ADGRV1: variants seen among roughly 807,000 people sequenced by gnomAD.
The protein encoded by ADGRV1 is adhesion G protein-coupled receptor V1.
Under a neutral mutation model 596.2 loss-of-function variants are expected in ADGRV1, and 359 were observed. The observed-to-expected ratio is 0.60, with a 90% CI of 0.55 to 0.66. The LOEUF is 0.66. ADGRV1 is among the 30% of genes least tolerant of loss of function. The probability of loss-of-function intolerance (pLI) is 0.00; values close to 1 mark genes in which losing one functional copy is unlikely to be tolerated. For missense variants in ADGRV1, 7,274 were observed against 7,575.6 expected (o/e 0.96, Z 1.48); for synonymous variants, 2,681 against 2,679.2 (o/e 1.00, Z -0.02).
At chr5:90,886,820 G>A (rs1307974449) in intron 83 of ADGRV1, among the ~76,000 whole-genome samples, 1 of 152,128 alleles carries the variant, frequency 6.6e-6, no homozygotes, top group Admixed American at 6.6e-5. Flanking sequence ...TGCTATAAGT[G>A]TATTCAGCTT....
At chr5:90,941,808 T>C (rs774483532) in intron 83 of ADGRV1, among the ~76,000 whole-genome samples, 6 of 152,222 alleles carry the variant, frequency 3.9e-5, no homozygotes, top group Non-Finnish European at 7.3e-5. Flanking sequence ...TAACTCATAA[T>C]ATTGTAATGA....
intron 1 of ADGRV1, among the ~76,000 whole-genome samples, chr5:90,590,366 T>C (rs909496502): frequency 3.3e-5 from 5 of 152,130 alleles, no homozygotes; most frequent in Non-Finnish European, 7.4e-5. Flanking sequence ...ATGTATCTGA[T>C]GTCTGAGTTG....
At position 90,848,691 on chromosome 5, in the gene ADGRV1, T is replaced by A; in HGVS notation, c.17074T>A (p.Tyr5692Asn). Reference protein sequence around the residue: ...AFSVASRTLFYEILCSLINPK... With the variant: ...AFSVASRTLFNEILCSLINPK... ...CAGTGTTGCCAGCCGAACTCTTTTC[T>A]ATGAGATTCTTTGTTCTCTTATTAA... is the stretch of plus-strand genomic sequence containing the variant. Residue 5692 changes from tyrosine to asparagine, a missense_variant, in exon 79 of 90, where the codon TAT becomes AAT. Tyr to Asn is a moderately radical substitution (Grantham distance 143). This residue lies in a region of ADGRV1 where 1,874 missense variants were observed against 1,970.2 expected (regional missense o/e 0.95). Transcript: ENST00000405460. 2 of 1,581,296 alleles carry A rather than the reference T, an allele frequency of 1.3e-6. No individual in the cohort carries two copies. Among genetic ancestry groups the A allele is most frequent in the South Asian group, 1.2e-5 (1 of 82,448 alleles).
chr5:91,012,361 A>G (rs1403659813), intron 85 of ADGRV1, among the ~76,000 whole-genome samples: 2 of 151,964 alleles, frequency 1.3e-5, no homozygotes, highest in African/African-American at 4.8e-5. Flanking sequence ...TACCATTTAT[A>G]TTAATAAGTT....
chr5:90,733,360 A>G (rs772520159), intron 50 of ADGRV1, among the ~76,000 whole-genome samples: 1 of 152,190 alleles, frequency 6.6e-6, no homozygotes, highest in Non-Finnish European at 1.5e-5. Flanking sequence ...GGTGGTTAGT[A>G]GAGATGTGGA....
intron 85 of ADGRV1, among the ~76,000 whole-genome samples, chr5:91,001,411 T>A (rs1429810433): frequency 6.6e-6 from 1 of 152,166 alleles, no homozygotes; most frequent in African/African-American, 2.4e-5. Context: ...GCAGTGAAAG[T>A]ATTATGTCAT....
intron 83 of ADGRV1, among the ~76,000 whole-genome samples, chr5:90,916,631 A>ATTTTTTTTTT (rs11407284): frequency 6.4e-5 from 8 of 124,680 alleles, no homozygotes; most frequent in Admixed American, 8.9e-5. Flanking sequence ...GCGTTCACAA[A>ATTTTTTTTTT]TTTTTTTTTT....
chr5:90,607,078 AG>A (rs1170148692), intron 1 of ADGRV1, among the ~76,000 whole-genome samples: 1 of 152,150 alleles, frequency 6.6e-6, no homozygotes, highest in Non-Finnish European at 1.5e-5. Flanking sequence ...TTTACAGAAA[AG>A]GGTTTTCAAA....
At chr5:90,672,197 C>T (rs899314749) in intron 21 of ADGRV1, among the ~76,000 whole-genome samples, 1 of 152,178 alleles carries the variant, frequency 6.6e-6, no homozygotes, top group Non-Finnish European at 1.5e-5. Context: ...TAGAATTCTA[C>T]TTATCCAGAG....
At chr5:90,637,015 T>C (rs1766299386) in intron 10 of ADGRV1, among the ~76,000 whole-genome samples, 1 of 152,190 alleles carries the variant, frequency 6.6e-6, no homozygotes, top group Non-Finnish European at 1.5e-5. Flanking sequence ...GTTTCAGAAT[T>C]ATTATAATAG....
At chr5:90,869,540 G>T (rs557303285) in intron 83 of ADGRV1, among the ~76,000 whole-genome samples, 15 of 152,230 alleles carry the variant, frequency 9.9e-5, no homozygotes, top group Non-Finnish European at 1.8e-4. Flanking sequence ...GAGGTTGGGT[G>T]GACTGCTTTT....
intron 83 of ADGRV1, among the ~76,000 whole-genome samples, chr5:90,870,052 G>C (rs1429753387): frequency 6.6e-6 from 1 of 152,138 alleles, no homozygotes; most frequent in Non-Finnish European, 1.5e-5. Context: ...TTAATAATTG[G>C]AGAACGATAT....
Position 90,948,922 on chromosome 5 carries a change from C to T in ADGRV1, c.17857-16493C>T, listed in dbSNP as rs79592873. Among the ~76,000 whole-genome samples the T allele has an allele frequency of 7.6e-3, 1,159 of 151,904 alleles. 18 individuals are homozygous for T. The highest frequency in any genetic ancestry group is 0.027 in the African/African-American group (1,107 of 41,348). On this transcript the variant is annotated intron_variant, in intron 83 of 89. Transcript: ENST00000405460. ...TAAGTCAAACATCATAAGTCGGGGC[C>T]GTCTGTGTATAAAATATTTATTGCA...
intron 76 of ADGRV1, 85 bp downstream of exon 76, chr5:90,823,681 C>G (rs1017443677): frequency 1.7e-6 from 2 of 1,195,360 alleles, no homozygotes; most frequent in Non-Finnish European, 1.2e-6. Context: ...TTGAAACTTA[C>G]ACATTGTTGA....
chr5:90,920,524 C>T (rs1554159395), intron 83 of ADGRV1, among the ~76,000 whole-genome samples: 1 of 152,078 alleles, frequency 6.6e-6, no homozygotes, highest in Non-Finnish European at 1.5e-5. Context: ...GTACCTTTAA[C>T]AGATTTAAGA....
At chr5:90,694,777 A>C in intron 33 of ADGRV1, 76 bp downstream of exon 33, 1 of 1,303,964 alleles carries the variant, frequency 7.7e-7, no homozygotes, top group Non-Finnish European at 1.0e-6. Context: ...AAAATTTATA[A>C]GAATTCTTAC....
At chr5:90,849,993 A>G (rs992942431) in intron 79 of ADGRV1, among the ~76,000 whole-genome samples, 11 of 152,150 alleles carry the variant, frequency 7.2e-5, no homozygotes, top group African/African-American at 2.7e-4. Context: ...GGCTTTTAAT[A>G]CCCCTATTTA....
At chr5:90,694,762 A>G (rs1383600351) in intron 33 of ADGRV1, 61 bp downstream of exon 33, 2 of 1,375,400 alleles carry the variant, frequency 1.5e-6, no homozygotes, top group Non-Finnish European at 2.0e-6. Flanking sequence ...GTCCATTTTT[A>G]TGATAAAATT....
chr5:90,706,538 T>A, intron 38 of ADGRV1, 144 bp downstream of exon 38: 1 of 656,214 alleles, frequency 1.5e-6, no homozygotes, highest in Non-Finnish European at 2.4e-6. Flanking sequence ...GCTGCACCCA[T>A]TAACTCGATA....
Sources: allele counts gnomAD v4.1 joint callset (sites outside exome capture counted in the v4.1 genomes callset), GRCh38; gene constraint gnomAD v4.1.1; regional missense constraint gnomAD v4.1.1; transcripts MANE v1.5; gene names NCBI Gene and HGNC (gene_info 2026-07-23, HGNC 2026-07-21).